The following SEC22A variants were observed in gnomAD, a reference collection of about 807,000 sequenced individuals.
SEC22A encodes the protein vesicle-trafficking protein SEC22a.
A neutral mutation model predicts 35.3 loss-of-function variants in SEC22A; 22 were observed. The ratio of observed to expected loss-of-function variants is 0.62; its 90% confidence interval spans 0.45 to 0.89. SEC22A has a LOEUF of 0.89. SEC22A is among the 40% of genes least tolerant of loss of function. The probability of loss-of-function intolerance (pLI) is 0.00; values close to 1 mark genes in which losing one functional copy is unlikely to be tolerated. For synonymous variants in SEC22A, 119 were observed against 129.5 expected (o/e 0.92, Z 0.55); for missense variants, 354 against 362.5 (o/e 0.98, Z 0.19).
At chr3:123,241,506 T>C (rs1937522261) in intron 4 of SEC22A, among the ~76,000 whole-genome samples, 2 of 152,234 alleles carry the variant, frequency 1.3e-5, no homozygotes, top group South Asian at 4.1e-4. Context: ...TCTGGGACTT[T>C]GCTTCATCAA....
intron 1 of SEC22A, among the ~76,000 whole-genome samples, chr3:123,202,416 T>C (rs1379949150): frequency 6.6e-6 from 1 of 152,282 alleles, no homozygotes; most frequent in East Asian, 1.9e-4. Context: ...GAGGTGGCAT[T>C]TCCTATTTCT....
intron 5 of SEC22A, among the ~76,000 whole-genome samples, chr3:123,253,791 T>C (rs1326393248): frequency 6.6e-6 from 1 of 151,664 alleles, no homozygotes; most frequent in African/African-American, 2.4e-5. Context: ...TTTAGTGACA[T>C]ATCTATGCTA....
intron 4 of SEC22A, among the ~76,000 whole-genome samples, chr3:123,238,220 G>A (rs1937452547): frequency 6.6e-6 from 1 of 152,108 alleles, no homozygotes; most frequent in Admixed American, 6.5e-5. Context: ...TTTTGAGATG[G>A]AGTCTTGCTC....
At chr3:123,239,314 T>G (rs1937482651) in intron 4 of SEC22A, among the ~76,000 whole-genome samples, 1 of 152,182 alleles carries the variant, frequency 6.6e-6, no homozygotes, top group South Asian at 2.1e-4. Context: ...ATTTTATTAT[T>G]ATTTAAGTTT....
In SEC22A at chr3:123,214,319, T is replaced by C. The variant is rs1372794221; in HGVS notation, c.182+4920T>C. ...AATGTAGTAGCTGGATACTTCTGTT[T>C]CGCCAATGAAGGACATTCTGTGGAG... On this transcript the variant is annotated intron_variant, in intron 2 of 6. Coordinates refer to ENST00000492595, the MANE Select transcript of SEC22A (RefSeq NM_012430.5). Among the ~76,000 whole-genome samples the C allele has an allele frequency of 3.9e-5, 6 of 152,370 alleles. No individual in the cohort carries two copies. In the East Asian group the frequency reaches 1.2e-3, roughly 29 times the overall value.
chr3:123,242,730 ATAATT>A (rs1290462321), intron 4 of SEC22A, among the ~76,000 whole-genome samples: 3 of 152,162 alleles, frequency 2.0e-5, no homozygotes, highest in Admixed American at 6.6e-5. Flanking sequence ...CTTATAGAAA[ATAATT>A]TAATCTTAAT....
At chr3:123,238,267 C>T (rs1047758336) in intron 4 of SEC22A, among the ~76,000 whole-genome samples, 3 of 152,178 alleles carry the variant, frequency 2.0e-5, no homozygotes, top group African/African-American at 4.8e-5. Context: ...GGCGCAATCT[C>T]AGCCCACTGC....
At position 123,272,593 on chromosome 3, in the gene SEC22A, A is replaced by C. The variant is rs1938198241; in HGVS notation, c.*871A>C. The C allele has an allele frequency of 1.3e-5, 2 of 152,266 alleles. No individual in the cohort carries two copies. Among genetic ancestry groups the C allele is most frequent in the African/African-American group, 4.8e-5 (2 of 41,466 alleles). The allele number at this position is 152,266 out of a possible 1,614,324, so 9.4% of individuals were successfully genotyped here. ...CCACAAAATAAGTAAGATGAACACA[A>C]AAAATGTTGTTCAGTTCTAGCTAGA... On this transcript the variant is annotated 3_prime_UTR_variant, in exon 7 of 7. Transcript: ENST00000492595.
At chr3:123,243,043 A>C (rs1937538399) in intron 4 of SEC22A, among the ~76,000 whole-genome samples, 3 of 151,976 alleles carry the variant, frequency 2.0e-5, no homozygotes, top group Non-Finnish European at 4.4e-5. Flanking sequence ...GTATACTATC[A>C]ATTTGTGTCC....
chr3:123,255,962 T>G (rs1447850697), intron 5 of SEC22A, among the ~76,000 whole-genome samples: 1 of 151,926 alleles, frequency 6.6e-6, no homozygotes, highest in African/African-American at 2.4e-5. Flanking sequence ...GTTAATACTG[T>G]AGGTATCATC....
In SEC22A at chr3:123,209,177, C is replaced by T. The variant is rs377161547; in HGVS notation, c.-19-22C>T. On this transcript the variant is annotated intron_variant, in intron 1 of 6. Coordinates refer to ENST00000492595, the MANE Select transcript of SEC22A (RefSeq NM_012430.5). ...GTTTGGCTTTAATTTTTATGTAACC[C>T]AAATTGTTCATTTTGTTTTAGGTCT... 5.8e-5 allele frequency: 92 copies of T among 1,595,450 alleles called. 1 individual carries two copies. The Middle Eastern group carries it at 8.0e-3, about 138-fold the overall frequency.
At chr3:123,260,419 G>A (rs1006551902) in intron 6 of SEC22A, among the ~76,000 whole-genome samples, 3 of 152,086 alleles carry the variant, frequency 2.0e-5, no homozygotes, top group Non-Finnish European at 4.4e-5. Flanking sequence ...TGGCAGTGAG[G>A]ATAGAAAAAA....
At chr3:123,211,929 G>A (rs1414843065) in intron 2 of SEC22A, among the ~76,000 whole-genome samples, 5 of 152,024 alleles carry the variant, frequency 3.3e-5, no homozygotes, top group Non-Finnish European at 7.4e-5. Flanking sequence ...TTAGCCAGGC[G>A]TGACATAGTC....
chr3:123,208,116 G>A (rs981437248), intron 1 of SEC22A, among the ~76,000 whole-genome samples: 6 of 151,752 alleles, frequency 4.0e-5, no homozygotes, highest in African/African-American at 1.5e-4. Flanking sequence ...TTATCCTTAT[G>A]TTTGTGTAAA....
In SEC22A at chr3:123,246,131, GT is replaced by G. The variant is rs983502825; in HGVS notation, c.657+124del. The G allele has an allele frequency of 5.2e-5, 31 of 600,604 alleles. 1 individual carries two copies. Among genetic ancestry groups the G allele is most frequent in the Non-Finnish European group, 8.9e-5 (30 of 335,614 alleles). The allele number at this position is 600,604 out of a possible 1,614,324, so 37.2% of individuals were successfully genotyped here. ...TTTACAGTGCATACTCAAAATCTAT[GT>G]TTTTTTATATCTGCTTTAGCCTCCT... On this transcript the variant is annotated intron_variant, in intron 5 of 6. Transcript: ENST00000492595.
intron 1 of SEC22A, among the ~76,000 whole-genome samples, chr3:123,206,980 C>G (rs187387067): frequency 1.3e-5 from 2 of 152,222 alleles, no homozygotes; most frequent in East Asian, 3.9e-4. Context: ...CCTAGCTACT[C>G]GCGAGGCTGA....
chr3:123,244,700 A>C (rs1354744249), intron 4 of SEC22A, among the ~76,000 whole-genome samples: 2 of 152,218 alleles, frequency 1.3e-5, no homozygotes, highest in Non-Finnish European at 2.9e-5. Flanking sequence ...TAATGGCTGA[A>C]TATAAGTTGC....
intron 1 of SEC22A, among the ~76,000 whole-genome samples, chr3:123,202,431 G>C: frequency 6.6e-6 from 1 of 152,182 alleles, no homozygotes; most frequent in East Asian, 1.9e-4. Flanking sequence ...ATTTCTTTTA[G>C]GCAGAATGGG....
intron 4 of SEC22A, among the ~76,000 whole-genome samples, chr3:123,242,229 C>T (rs1172461295): frequency 2.1e-5 from 3 of 144,958 alleles, no homozygotes; most frequent in East Asian, 3.9e-4. Context: ...TTGCAGACCT[C>T]GTCTGCTTCT....
Sources: allele counts gnomAD v4.1 joint callset (sites outside exome capture counted in the v4.1 genomes callset), GRCh38; gene constraint gnomAD v4.1.1; transcripts MANE v1.5; gene names NCBI Gene and HGNC (gene_info 2026-07-23, HGNC 2026-07-21).